The following FOXP2 variants were observed in gnomAD, a reference collection of about 807,000 sequenced individuals.
FOXP2 encodes forkhead box P2.
FOXP2 carries 12 observed loss-of-function variants against 115.8 expected under a neutral mutation model. That is an observed-to-expected ratio of 0.10 (90% CI 0.07 to 0.17). The LOEUF is 0.17. Ranked by LOEUF, FOXP2 falls within the 10% of genes least tolerant of loss-of-function variation. The pLI is 1.00. For synonymous variants in FOXP2, 328 were observed against 297.7 expected, an observed-to-expected ratio of 1.10 and a Z score of -1.05; for missense variants, 629 against 843.5, an observed-to-expected ratio of 0.75 and a Z score of 3.15.
intron 2 of FOXP2, chr7:114,499,162 G>T: frequency 2.1e-6 from 1 of 471,334 alleles, no homozygotes; most frequent in Non-Finnish European, 3.8e-6. Context: ...CAACTTATGA[G>T]GAATCATGAG....
intron 2 of FOXP2, among the ~76,000 whole-genome samples, chr7:114,474,886 A>G (rs1012436189): frequency 6.6e-6 from 1 of 151,874 alleles, no homozygotes; most frequent in Non-Finnish European, 1.5e-5. Flanking sequence ...CTGTTCCTAC[A>G]CTACTGTTTT....
intron 1 of FOXP2, among the ~76,000 whole-genome samples, chr7:114,278,546 G>T (rs369283198): frequency 6.6e-6 from 1 of 152,156 alleles, no homozygotes; most frequent in East Asian, 1.9e-4. Context: ...TAGAGGTGGG[G>T]TTTCACCATG....
chr7:114,242,926 T>G (rs1203635204), intron 1 of FOXP2, among the ~76,000 whole-genome samples: 2 of 152,130 alleles, frequency 1.3e-5, no homozygotes, highest in Non-Finnish European at 2.9e-5. Context: ...GATTCCTAGA[T>G]GGGAATACCT....
At chr7:114,584,337 A>G (rs142348812) in intron 3 of FOXP2, among the ~76,000 whole-genome samples, 4 of 152,244 alleles carry the variant, frequency 2.6e-5, no homozygotes, top group East Asian at 1.9e-4. Context: ...TCCACCTCCC[A>G]TAAACCACTG....
rs3028257 is a variant in FOXP2, at chr7:114,581,075, GCA to G, written c.258+46400_258+46401del. Among the ~76,000 whole-genome samples, 1,199 of 144,710 alleles carry G rather than the reference GCA, an allele frequency of 8.3e-3. 4 individuals are homozygous for G. Among genetic ancestry groups the G allele is most frequent in the South Asian group, 0.016 (72 of 4,502 alleles). 94.9% of individuals were successfully genotyped at this position (144,710 alleles called of 152,430 possible). The stretch of plus-strand genomic sequence containing the variant: ...AGAAGATACACTCACATAAACACAT[GCA>G]CACACACACACACACACACACACAC... On this transcript the variant is annotated intron_variant, in intron 3 of 16. Transcript: ENST00000350908.
chr7:114,684,003 C>A (rs1381199768), intron 16 of FOXP2, among the ~76,000 whole-genome samples: 2 of 152,032 alleles, frequency 1.3e-5, no homozygotes, highest in Non-Finnish European at 2.9e-5. Context: ...TCTGAGACTA[C>A]AATAGAACAT....
At chr7:114,486,969 T>C (rs1433867997) in intron 2 of FOXP2, among the ~76,000 whole-genome samples, 1 of 152,170 alleles carries the variant, frequency 6.6e-6, no homozygotes, top group Non-Finnish European at 1.5e-5. Context: ...TGTCAGTGAA[T>C]CTACCACTCT....
At chr7:114,499,006 A>T (rs1428415775) in intron 2 of FOXP2, 2 of 712,650 alleles carry the variant, frequency 2.8e-6, no homozygotes, top group Non-Finnish European at 2.6e-6. Flanking sequence ...CATCACCGGG[A>T]ACTTGTTAGA....
chr7:114,632,601 A>C (rs1804981070), intron 6 of FOXP2, among the ~76,000 whole-genome samples: 1 of 152,160 alleles, frequency 6.6e-6, no homozygotes, highest in African/African-American at 2.4e-5. Context: ...CATTGGCTGC[A>C]CATTTTGCTG....
intron 2 of FOXP2, among the ~76,000 whole-genome samples, chr7:114,448,445 T>C (rs1386587341): frequency 6.6e-6 from 1 of 152,090 alleles, no homozygotes; most frequent in African/African-American, 2.4e-5. Context: ...AGTGTCACCA[T>C]AATATAGTAA....
rs148610174 is a variant in FOXP2, at chr7:114,478,581, G to A, written c.168+51902G>A. On this transcript the variant is annotated intron_variant, in intron 2 of 16. Transcript: ENST00000350908. ...ACACCACATTTGTGGTTTTAAGTTA[G>A]CATCATCCTGATTCATGTGCTCTAT... is the stretch of plus-strand genomic sequence containing the variant. 4.1e-3 allele frequency among the ~76,000 whole-genome samples: 624 copies of A among 151,874 alleles called. 5 individuals are homozygous for A. Among genetic ancestry groups the A allele is most frequent in the Middle Eastern group, 0.031 (9 of 294 alleles).
chr7:114,096,519 A>G (rs964285035), intron 1 of FOXP2, among the ~76,000 whole-genome samples: 3 of 152,200 alleles, frequency 2.0e-5, no homozygotes, highest in African/African-American at 4.8e-5. Context: ...TACACACAGT[A>G]AAACGACAGT....
At chr7:114,247,487 C>G (rs1011595158) in intron 1 of FOXP2, among the ~76,000 whole-genome samples, 21 of 152,054 alleles carry the variant, frequency 1.4e-4, no homozygotes, top group African/African-American at 4.3e-4. Context: ...ATTTTTATAT[C>G]CCTCCCTTCT....
At chr7:114,550,027 C>T (rs1800121639) in intron 3 of FOXP2, among the ~76,000 whole-genome samples, 1 of 151,368 alleles carries the variant, frequency 6.6e-6, no homozygotes, top group African/African-American at 2.4e-5. Flanking sequence ...CTCTTAATAC[C>T]AAGGCAGGTA....
chr7:114,472,710 G>C (rs1478868965), intron 2 of FOXP2, among the ~76,000 whole-genome samples: 7 of 152,002 alleles, frequency 4.6e-5, no homozygotes, highest in Non-Finnish European at 4.4e-5. Flanking sequence ...ATTTGTACTT[G>C]GTCTTTACAA....
intron 1 of FOXP2, among the ~76,000 whole-genome samples, chr7:114,154,232 T>C (rs1406410440): frequency 1.3e-5 from 2 of 152,166 alleles, no homozygotes. Context: ...CATTAATGTC[T>C]AGACTATGAA....
chr7:114,563,923 C>T (rs1800875582), intron 3 of FOXP2, among the ~76,000 whole-genome samples: 1 of 152,104 alleles, frequency 6.6e-6, no homozygotes, highest in African/African-American at 2.4e-5. Flanking sequence ...TTAGCTGGTC[C>T]TCAAATTGGG....
chr7:114,183,787 T>C (rs1793520028), intron 1 of FOXP2, among the ~76,000 whole-genome samples: 1 of 152,170 alleles, frequency 6.6e-6, no homozygotes, highest in African/African-American at 2.4e-5. Flanking sequence ...AGCTAATTAG[T>C]GATGCGCTGT....
intron 1 of FOXP2, among the ~76,000 whole-genome samples, chr7:114,134,536 A>C (rs376136213): frequency 4.1e-4 from 62 of 151,490 alleles, no homozygotes; most frequent in African/African-American, 1.4e-3. Context: ...AAACGGTGAA[A>C]CCCCGTCTCT....
Sources: allele counts gnomAD v4.1 joint callset (sites outside exome capture counted in the v4.1 genomes callset), GRCh38; gene constraint gnomAD v4.1.1; transcripts MANE v1.5; gene names NCBI Gene and HGNC (gene_info 2026-07-23, HGNC 2026-07-21).